The following NPAS3 variants were observed in gnomAD, a reference collection of about 807,000 sequenced individuals.
NPAS3 encodes the protein neuronal PAS domain-containing protein 3.
NPAS3 carries 14 observed loss-of-function variants against 73.1 expected under a neutral mutation model. The observed-to-expected ratio is 0.19, with a 90% confidence interval of 0.13 to 0.30. The LOEUF is 0.30. NPAS3 is among the 10% of genes least tolerant of loss of function. The pLI is 1.00. For missense variants in NPAS3, 1,096 were observed against 1,250.0 expected (o/e 0.88, Z 1.86); for synonymous variants, 620 against 541.5 (o/e 1.14, Z -2.01).
chr14:33,583,846 T>C (rs1567029014), intron 5 of NPAS3, among the ~76,000 whole-genome samples: 1 of 152,206 alleles, frequency 6.6e-6, no homozygotes, highest in Non-Finnish European at 1.5e-5. Context: ...TTGCCATAGC[T>C]GAGAATGGTT....
At chr14:33,392,031 T>G (rs2047030764) in intron 4 of NPAS3, among the ~76,000 whole-genome samples, 1 of 152,186 alleles carries the variant, frequency 6.6e-6, no homozygotes, top group Non-Finnish European at 1.5e-5. Flanking sequence ...AGTTGACATT[T>G]TTAGTTTAAA....
intron 3 of NPAS3, among the ~76,000 whole-genome samples, chr14:33,307,972 G>C (rs187808099): frequency 6.6e-6 from 1 of 152,210 alleles, no homozygotes; most frequent in East Asian, 1.9e-4. Flanking sequence ...CTTCATTGCT[G>C]TCTGCTCTGC....
chr14:33,703,046 G>T (rs1373518582), intron 6 of NPAS3, among the ~76,000 whole-genome samples: 1 of 152,126 alleles, frequency 6.6e-6, no homozygotes, highest in Non-Finnish European at 1.5e-5. Flanking sequence ...ACTCCATCCT[G>T]AGTCAATATA....
chr14:33,401,374 C>T (rs1310079187), intron 4 of NPAS3, among the ~76,000 whole-genome samples: 1 of 152,094 alleles, frequency 6.6e-6, no homozygotes, highest in Non-Finnish European at 1.5e-5. Context: ...TCCATATAGC[C>T]ATCTTATTTC....
rs1364784093 is a variant in NPAS3 at position 33,215,136 on chromosome 14, A to G, written c.141-46A>G. The G allele has an allele frequency of 3.2e-6, 5 of 1,582,668 alleles. No homozygotes were observed. In the East Asian group the frequency reaches 9.0e-5, roughly 28 times the overall value. On this transcript the variant is annotated intron_variant, in intron 2 of 11. Transcript: ENST00000356141. ...AAGAAAGCAGTATTTGAATGATGAC[A>G]GAGTCACATATTCTAAACCACACAT...
intron 1 of NPAS3, among the ~76,000 whole-genome samples, chr14:33,008,556 G>A (rs558407808): frequency 1.1e-3 from 162 of 152,172 alleles, no homozygotes; most frequent in African/African-American, 3.6e-3. Flanking sequence ...AGAGAATGAC[G>A]TACACAAAAG....
chr14:33,016,556 A>G (rs374234207), intron 1 of NPAS3, among the ~76,000 whole-genome samples: 1 of 151,026 alleles, frequency 6.6e-6, no homozygotes, highest in African/African-American at 2.4e-5. Context: ...CAGAGTACAC[A>G]TGTAAAATAT....
At chr14:33,259,593 C>T (rs2139945926) in intron 3 of NPAS3, among the ~76,000 whole-genome samples, 1 of 152,142 alleles carries the variant, frequency 6.6e-6, no homozygotes, top group East Asian at 1.9e-4. Flanking sequence ...GGGTGATAGG[C>T]AATGCTGAAA....
chr14:33,300,923 T>C (rs2042503850), intron 3 of NPAS3, among the ~76,000 whole-genome samples: 1 of 151,984 alleles, frequency 6.6e-6, no homozygotes, highest in Admixed American at 6.5e-5. Flanking sequence ...AGCTTAGAAA[T>C]AGGATTGAGG....
intron 7 of NPAS3, among the ~76,000 whole-genome samples, chr14:33,737,818 C>A (rs994758677): frequency 1.3e-5 from 2 of 152,180 alleles, no homozygotes; most frequent in African/African-American, 4.8e-5. Context: ...CCCACCACCA[C>A]ACAATAAACA....
At chr14:33,740,967 A>G (rs2061641302) in intron 7 of NPAS3, among the ~76,000 whole-genome samples, 1 of 152,182 alleles carries the variant, frequency 6.6e-6, no homozygotes, top group Non-Finnish European at 1.5e-5. Context: ...TATAATAAGA[A>G]TGCTGATTCT....
chr14:33,492,719 G>T (rs1354250292), intron 4 of NPAS3, among the ~76,000 whole-genome samples: 2 of 152,168 alleles, frequency 1.3e-5, no homozygotes, highest in Non-Finnish European at 2.9e-5. Flanking sequence ...TGATGAGCTG[G>T]CATTTGCCCT....
intron 4 of NPAS3, among the ~76,000 whole-genome samples, chr14:33,386,526 A>G (rs200613694): frequency 6.8e-6 from 1 of 148,034 alleles, no homozygotes; most frequent in East Asian, 2.0e-4. Flanking sequence ...TTTTTTTTTA[A>G]TGTAGCCTTC....
chr14:32,979,120 T>A (rs1468344785), intron 1 of NPAS3, among the ~76,000 whole-genome samples: 1 of 152,326 alleles, frequency 6.6e-6, no homozygotes, highest in East Asian at 1.9e-4. Context: ...TTGTATAACA[T>A]GTTAAAGAGC....
chr14:33,148,705 G>A (rs1295874526), intron 2 of NPAS3, among the ~76,000 whole-genome samples: 1 of 151,802 alleles, frequency 6.6e-6, no homozygotes, highest in Admixed American at 6.6e-5. Context: ...AATTTTTTTG[G>A]AGACGAGGTC....
At chr14:32,980,941 G>GCATACACACACA (rs988410985) in intron 1 of NPAS3, among the ~76,000 whole-genome samples, 1 of 151,772 alleles carries the variant, frequency 6.6e-6, no homozygotes, top group Non-Finnish European at 1.5e-5. Flanking sequence ...ACCCACACAC[G>GCATACACACACA]CATACACACA....
rs1287998187 is a variant in NPAS3 at position 33,327,142 on chromosome 14, G to T, written c.386-40044G>T. 4.6e-5 allele frequency among the ~76,000 whole-genome samples: 7 copies of T among 152,132 alleles called. No individual in the cohort carries two copies. The East Asian group carries it at 7.7e-4, about 17-fold the overall frequency. On this transcript the variant is annotated intron_variant, in intron 3 of 11. Transcript: ENST00000356141. ...TGGCAAAATTGTTAATATAGATATA[G>T]CTTGCTAACAGCTGGTTTTGATTAT...
intron 4 of NPAS3, among the ~76,000 whole-genome samples, chr14:33,395,377 A>T (rs2047177061): frequency 6.6e-6 from 1 of 151,302 alleles, no homozygotes; most frequent in African/African-American, 2.4e-5. Context: ...CATTAACTAT[A>T]TAAAGATTAT....
intron 3 of NPAS3, among the ~76,000 whole-genome samples, chr14:33,339,110 C>T (rs140302433): frequency 2.4e-4 from 37 of 152,230 alleles, no homozygotes; most frequent in African/African-American, 5.8e-4. Context: ...AAATTAACCC[C>T]GTAATTAATG....
Sources: gnomAD v4.1 joint callset for allele counts (sites outside exome capture counted in the v4.1 genomes callset) on GRCh38, gnomAD v4.1.1 for gene constraint, MANE v1.5 for transcripts, NCBI Gene and HGNC (gene_info 2026-07-23, HGNC 2026-07-21) for gene names.